The following MCHR2 variants were observed in gnomAD, a reference collection of about 807,000 sequenced individuals.
The protein encoded by MCHR2 is melanin-concentrating hormone receptor 2.
MCHR2 carries 15 observed loss-of-function variants against 24.8 expected under a neutral mutation model. The ratio of observed to expected loss-of-function variants is 0.60; its 90% confidence interval spans 0.40 to 0.93. The LOEUF is 0.93. MCHR2 is among the 40% of genes least tolerant of loss of function. MCHR2 has a pLI of 0.00. For synonymous variants in MCHR2, 151 were observed against 147.6 expected (o/e 1.02, Z -0.17); for missense variants, 386 against 408.7 (o/e 0.94, Z 0.48).
intron 5 of MCHR2, among the ~76,000 whole-genome samples, chr6:99,931,064 C>T (rs1355467273): frequency 1.3e-5 from 2 of 152,138 alleles, no homozygotes; most frequent in African/African-American, 4.8e-5. Flanking sequence ...AGACAGGACC[C>T]TCAGCTGCAG....
intron 1 of MCHR2, among the ~76,000 whole-genome samples, chr6:99,981,983 T>A (rs1374579413): frequency 6.6e-6 from 1 of 152,122 alleles, no homozygotes; most frequent in African/African-American, 2.4e-5. Context: ...GGTGATGGTT[T>A]TTCTCTCCAA....
At chr6:99,986,388 G>T (rs1439340385) in intron 1 of MCHR2, among the ~76,000 whole-genome samples, 1 of 152,134 alleles carries the variant, frequency 6.6e-6, no homozygotes, top group Non-Finnish European at 1.5e-5. Flanking sequence ...ATCTAATGCT[G>T]TTTACATTAG....
At chr6:99,945,593 A>G (rs1774859269) in intron 3 of MCHR2, among the ~76,000 whole-genome samples, 1 of 152,184 alleles carries the variant, frequency 6.6e-6, no homozygotes, top group Non-Finnish European at 1.5e-5. Context: ...ACTAAGGCAT[A>G]CTGATGGCAC....
At chr6:99,961,938 C>T (rs150680741) in intron 1 of MCHR2, among the ~76,000 whole-genome samples, 216 of 152,124 alleles carry the variant, frequency 1.4e-3, no homozygotes, top group African/African-American at 4.8e-3. Flanking sequence ...CAAACTAGCA[C>T]GAATTTATTT....
Position 99,929,822 on chromosome 6 carries a change from C to A in MCHR2, c.707+4576G>T, listed in dbSNP as rs573206772. Among the ~76,000 whole-genome samples, 10 of 150,006 alleles carry A rather than the reference C, an allele frequency of 6.7e-5. No individual in the cohort carries two copies. In the East Asian group the frequency reaches 7.7e-4, roughly 12 times the overall value. On this transcript the variant is annotated intron_variant, in intron 5 of 5. Transcript: ENST00000281806. ...GCCAGTCTGTGTCTTTTAATTGGAG[C>A]ATTTAGTCCATTTACATTTAAAGTT...
chr6:99,981,370 G>GA (rs1775666519), intron 1 of MCHR2, among the ~76,000 whole-genome samples: 1 of 152,144 alleles, frequency 6.6e-6, no homozygotes, highest in Non-Finnish European at 1.5e-5. Context: ...GTGGCCATAA[G>GA]AAAAAACATG....
chr6:99,974,854 G>A (rs1197226970), intron 1 of MCHR2, among the ~76,000 whole-genome samples: 2 of 152,224 alleles, frequency 1.3e-5, no homozygotes, highest in Non-Finnish European at 2.9e-5. Context: ...ATCAGCAGTG[G>A]TGGCTGCAGA....
At chr6:99,946,973 G>A (rs1416531962) in intron 3 of MCHR2, among the ~76,000 whole-genome samples, 1 of 152,096 alleles carries the variant, frequency 6.6e-6, no homozygotes, top group African/African-American at 2.4e-5. Context: ...AGACAGGCCA[G>A]ATAGTGAGGC....
chr6:99,968,003 A>G (rs1379384394), intron 1 of MCHR2, among the ~76,000 whole-genome samples: 2 of 152,242 alleles, frequency 1.3e-5, no homozygotes, highest in Non-Finnish European at 2.9e-5. Context: ...CAGTAATAAT[A>G]ATAGTACCTA....
intron 1 of MCHR2, among the ~76,000 whole-genome samples, chr6:99,961,557 G>A (rs137933442): frequency 6.1e-4 from 93 of 152,216 alleles, no homozygotes; most frequent in African/African-American, 2.2e-3. Flanking sequence ...TCCTTTGCGG[G>A]GACATGGATG....
chr6:99,924,161 T>A (rs575316812), intron 5 of MCHR2, among the ~76,000 whole-genome samples: 25 of 152,232 alleles, frequency 1.6e-4, no homozygotes, highest in African/African-American at 5.8e-4. Context: ...TAGGAATTTG[T>A]CCATTTCTTC....
chr6:99,918,926 T>G lies in MCHR2; in HGVS notation c.*2014A>C, dbSNP rs1774169743. On this transcript the variant is annotated 3_prime_UTR_variant, in exon 6 of 6. Coordinates refer to ENST00000281806, the MANE Select transcript of MCHR2 (RefSeq NM_001040179.2). Reference sequence around the variant, plus strand: ...ACTGCTACTAGAAAAAGGTCTGTGGTTTAAAGCTAAGTCTTTAAAATCATA... The same window carrying G: ...ACTGCTACTAGAAAAAGGTCTGTGGGTTAAAGCTAAGTCTTTAAAATCATA... 6.6e-6 allele frequency among the ~76,000 whole-genome samples: 1 copy of G among 152,286 alleles called. No individual in the cohort carries two copies. Among genetic ancestry groups the G allele is most frequent in the East Asian group, 1.9e-4 (1 of 5,186 alleles).
At chr6:99,954,040 T>G (rs1353223866) in intron 2 of MCHR2, among the ~76,000 whole-genome samples, 2 of 152,132 alleles carry the variant, frequency 1.3e-5, no homozygotes, top group Non-Finnish European at 2.9e-5. Flanking sequence ...CACATGACCA[T>G]CCTGAGGGCT....
intron 1 of MCHR2, among the ~76,000 whole-genome samples, chr6:99,984,917 C>A (rs889244138): frequency 6.6e-6 from 1 of 151,942 alleles, no homozygotes; most frequent in African/African-American, 2.4e-5. Flanking sequence ...TGATCGTATG[C>A]CTAGAGAACC....
At chr6:99,980,999 G>A (rs1775659691) in intron 1 of MCHR2, among the ~76,000 whole-genome samples, 1 of 152,042 alleles carries the variant, frequency 6.6e-6, no homozygotes, top group South Asian at 2.1e-4. Context: ...ATTTAACAAA[G>A]GAAAAATCCT....
chr6:99,928,998 C>A (rs531240262), intron 5 of MCHR2, among the ~76,000 whole-genome samples: 2,011 of 152,180 alleles, frequency 0.013, 51 homozygotes, highest in African/African-American at 0.047. Flanking sequence ...TCCCTCTACA[C>A]TCTGCTTTGA....
At chr6:99,984,198 T>C (rs1282223094) in intron 1 of MCHR2, among the ~76,000 whole-genome samples, 2 of 151,904 alleles carry the variant, frequency 1.3e-5, no homozygotes, top group African/African-American at 2.4e-5. Flanking sequence ...AAGAGAAACA[T>C]TTATTTCTCT....
chr6:99,979,587 G>A (rs1775625390), intron 1 of MCHR2, among the ~76,000 whole-genome samples: 1 of 151,984 alleles, frequency 6.6e-6, no homozygotes, highest in Non-Finnish European at 1.5e-5. Flanking sequence ...TAATAGACTA[G>A]GTTAAATTAA....
intron 5 of MCHR2, among the ~76,000 whole-genome samples, chr6:99,931,050 T>C (rs1774514391): frequency 6.6e-6 from 1 of 152,198 alleles, no homozygotes; most frequent in African/African-American, 2.4e-5. Flanking sequence ...GTTTTCCTTC[T>C]AACAGACAGG....
Sources: allele counts gnomAD v4.1 joint callset (sites outside exome capture counted in the v4.1 genomes callset), GRCh38; gene constraint gnomAD v4.1.1; transcripts MANE v1.5; gene names NCBI Gene and HGNC (gene_info 2026-07-23, HGNC 2026-07-21).